Variants in PDXDC1 observed in about 807,000 individuals in gnomAD.
PDXDC1 encodes pyridoxal-dependent decarboxylase domain-containing protein 1.
PDXDC1 carries 42 observed loss-of-function variants against 100.1 expected under a neutral mutation model. That is an observed-to-expected ratio of 0.42 (90% confidence interval 0.33 to 0.54). The LOEUF is 0.54. Among genes scored for constraint, PDXDC1 ranks in the 20% least tolerant of loss-of-function variants. PDXDC1 has a pLI of 0.10. For missense variants in PDXDC1, 636 were observed against 979.2 expected (o/e 0.65, Z 4.68); for synonymous variants, 260 against 371.7 (o/e 0.70, Z 3.46).
At chr16:15,047,179 C>G in intron 16 of PDXDC1, 1 of 501,802 alleles carries the variant, frequency 2.0e-6, no homozygotes, top group Non-Finnish European at 3.6e-6. Flanking sequence ...ATCGCAACCT[C>G]GACGTTCCTG....
chr16:15,020,061 G>A (rs554471760), intron 12 of PDXDC1, among the ~76,000 whole-genome samples: 47 of 142,914 alleles, frequency 3.3e-4, no homozygotes, highest in African/African-American at 1.1e-3. Context: ...GCAGTGAGCC[G>A]AGATCGCGCC....
intron 1 of PDXDC1, among the ~76,000 whole-genome samples, chr16:14,985,397 C>T (rs1969123337): frequency 6.6e-6 from 1 of 151,898 alleles, no homozygotes; most frequent in Non-Finnish European, 1.5e-5. Flanking sequence ...ACGCCATTCT[C>T]CTGCCTCAGC....
intron 16 of PDXDC1, among the ~76,000 whole-genome samples, chr16:15,098,017 T>A (rs2151841727): frequency 7.3e-6 from 1 of 136,662 alleles, no homozygotes; most frequent in East Asian, 2.4e-4. Flanking sequence ...TCTCCCGCCG[T>A]CCTCCCACCT....
At chr16:15,132,446 GA>G (rs1307822278) in intron 16 of PDXDC1, among the ~76,000 whole-genome samples, 1 of 141,698 alleles carries the variant, frequency 7.1e-6, no homozygotes, top group Non-Finnish European at 1.6e-5. Flanking sequence ...GAGGGGAGGG[GA>G]GAGTGGAAGG....
At chr16:15,091,609 A>G (rs1246713257) in intron 16 of PDXDC1, among the ~76,000 whole-genome samples, 1 of 152,118 alleles carries the variant, frequency 6.6e-6, no homozygotes, top group East Asian at 1.9e-4. Flanking sequence ...CTGTATTGAC[A>G]TTTGAATATA....
chr16:14,983,572 CAAAAAAAAAAAAAAAAA>C (rs56258905), intron 1 of PDXDC1, among the ~76,000 whole-genome samples: 1 of 88,408 alleles, frequency 1.1e-5, no homozygotes, highest in African/African-American at 5.6e-5. Flanking sequence ...GACTCCGTCT[CAAAAAAAAAAAAAAAAA>C]AAAAAAAAAA....
At chr16:15,050,920 T>G (rs1416335799) in intron 16 of PDXDC1, among the ~76,000 whole-genome samples, 1 of 152,190 alleles carries the variant, frequency 6.6e-6, no homozygotes, top group Non-Finnish European at 1.5e-5. Flanking sequence ...CAGTGTAAAA[T>G]TAGATGGGCA....
chr16:15,123,269 C>A (rs1453095298), intron 16 of PDXDC1, among the ~76,000 whole-genome samples: 1 of 152,022 alleles, frequency 6.6e-6, no homozygotes, highest in Non-Finnish European at 1.5e-5. Flanking sequence ...AAGACCAGGT[C>A]CTCTCTGGAA....
At chr16:14,995,376 C>A (rs186625442) in intron 1 of PDXDC1, among the ~76,000 whole-genome samples, 1 of 152,272 alleles carries the variant, frequency 6.6e-6, no homozygotes, top group Non-Finnish European at 1.5e-5. Flanking sequence ...TGTCAAAGGC[C>A]GTTCTGCATG....
At chr16:15,142,238 C>G (rs1021531049), downstream of PDXDC1, among the ~76,000 whole-genome samples, 2 of 152,132 alleles carry the variant, frequency 1.3e-5, no homozygotes, top group African/African-American at 2.4e-5. Context: ...ACCCCAGAGC[C>G]CCCCCGCTCC....
chr16:15,062,755 T>G (rs1327749403), intron 16 of PDXDC1, among the ~76,000 whole-genome samples: 1 of 152,216 alleles, frequency 6.6e-6, no homozygotes, highest in East Asian at 1.9e-4. Flanking sequence ...TGTCAGTATG[T>G]GAAGTGTCTG....
At chr16:15,055,815 G>T in intron 16 of PDXDC1, 1 of 781,196 alleles carries the variant, frequency 1.3e-6, no homozygotes, top group Non-Finnish European at 1.7e-6. Context: ...AGTCTGTGTC[G>T]CGTGAGGGGG....
Position 15,036,055 on chromosome 16 carries a change from CT to C in PDXDC1, c.2150del (p.Leu717Ter). ...AAAAGGTCCCTGCGAGGTTCAGATG[CT>C]TTGAGTGAGACCAGCTCAGTCAGTC... ...PFKRSLRGSD[A>X]LSETSSVSHI... On this transcript the variant is annotated frameshift_variant, in exon 23 of 23. Coordinates refer to ENST00000396410, the MANE Select transcript of PDXDC1 (RefSeq NM_015027.4). LOFTEE classifies it low-confidence loss of function (END_TRUNC). 6.2e-7 allele frequency: 1 copy of C among 1,614,146 alleles called. No homozygotes were observed. Among genetic ancestry groups the C allele is most frequent in the Non-Finnish European group, 8.5e-7 (1 of 1,180,010 alleles).
chr16:15,032,450 T>C lies in PDXDC1; in HGVS notation c.1572-411T>C, dbSNP rs116568009. 631 of 171,720 alleles carry C rather than the reference T, an allele frequency of 3.7e-3. 5 individuals are homozygous for C. The highest frequency in any genetic ancestry group is 0.014 in the African/African-American group (591 of 41,896). 10.6% of individuals were successfully genotyped at this position (171,720 alleles called of 1,614,324 possible). A position where few individuals can be genotyped will look rare whatever the true frequency, so the allele number is the denominator to read the frequency against. Reference sequence around the variant, plus strand: ...GCATAGATGACTTGAGGCCAGGAGCTTGAGTCCAGCCTGGACAACATGGCG... The same window carrying C: ...GCATAGATGACTTGAGGCCAGGAGCCTGAGTCCAGCCTGGACAACATGGCG... On this transcript the variant is annotated intron_variant, in intron 17 of 22. Transcript: ENST00000396410.
chr16:15,047,772 C>T, intron 16 of PDXDC1: 1 of 1,201,284 alleles, frequency 8.3e-7, no homozygotes, highest in African/African-American at 1.5e-5. Context: ...AACAAGACAC[C>T]AGGAAACTCA....
At chr16:15,059,269 C>T (rs563156962) in intron 16 of PDXDC1, among the ~76,000 whole-genome samples, 86 of 152,262 alleles carry the variant, frequency 5.6e-4, no homozygotes, top group African/African-American at 2.0e-3. Flanking sequence ...GAACCACCAT[C>T]GTAAGCACTG....
chr16:15,027,965 G>A (rs1393620356), intron 14 of PDXDC1, among the ~76,000 whole-genome samples: 16 of 152,386 alleles, frequency 1.0e-4, no homozygotes, highest in Non-Finnish European at 2.1e-4. Flanking sequence ...TCCCTTCCCC[G>A]CTTCTGTGTC....
At chr16:15,011,631 CTTTTTTTT>C in intron 8 of PDXDC1, among the ~76,000 whole-genome samples, 19,189 of 132,382 alleles carry the variant, frequency 0.14, 929 homozygotes, top group East Asian at 0.4. Context: ...ACATTTTTTT[CTTTTTTTT>C]TTTTTTTTTT....
chr16:15,104,218 A>G, intron 16 of PDXDC1: 1 of 1,114,952 alleles, frequency 9.0e-7, no homozygotes. Flanking sequence ...AACCACTTCT[A>G]AAGATTAAAA....
Sources: gnomAD v4.1 joint callset for allele counts (sites outside exome capture counted in the v4.1 genomes callset) on GRCh38, gnomAD v4.1.1 for gene constraint, MANE v1.5 for transcripts, NCBI Gene and HGNC (gene_info 2026-07-23, HGNC 2026-07-21) for gene names.